The following RBFOX1 variants were observed in gnomAD, a reference collection of about 807,000 sequenced individuals.
RBFOX1 encodes the protein RNA binding protein fox-1 homolog 1.
A neutral mutation model predicts 57.7 loss-of-function variants in RBFOX1; 8 were observed. The observed-to-expected ratio is 0.14, with a 90% CI of 0.08 to 0.25. The LOEUF (loss-of-function observed/expected upper bound fraction) is 0.25, where lower values mean the gene tolerates loss of function less well. Ranked by LOEUF, RBFOX1 falls within the 10% of genes least tolerant of loss-of-function variation. The pLI is 1.00. For missense variants in RBFOX1, 611 were observed against 548.5 expected, an observed-to-expected ratio of 1.11 and a Z score of -1.14; for synonymous variants, 326 against 222.4, an observed-to-expected ratio of 1.47 and a Z score of -4.15.
At chr16:6,878,678 C>T (rs1409103725) in intron 3 of RBFOX1, among the ~76,000 whole-genome samples, 3 of 152,074 alleles carry the variant, frequency 2.0e-5, no homozygotes, top group South Asian at 2.1e-4. Flanking sequence ...AAAGGTAACT[C>T]AACAGCAAGA....
At chr16:6,567,287 G>A (rs1043262511) in intron 2 of RBFOX1, among the ~76,000 whole-genome samples, 3 of 152,136 alleles carry the variant, frequency 2.0e-5, no homozygotes, top group Non-Finnish European at 2.9e-5. Context: ...TATCCTGTGA[G>A]GCAAATTATT....
chr16:6,826,395 T>TA (rs2092142685), intron 3 of RBFOX1, among the ~76,000 whole-genome samples: 1 of 152,188 alleles, frequency 6.6e-6, no homozygotes, highest in Admixed American at 6.5e-5. Flanking sequence ...TGGTACATAG[T>TA]AAATACTCCA....
At chr16:7,330,891 C>T (rs1184078699) in intron 4 of RBFOX1, among the ~76,000 whole-genome samples, 2 of 152,106 alleles carry the variant, frequency 1.3e-5, no homozygotes. Flanking sequence ...CTTCTGTCCT[C>T]CCCGGTAACT....
At chr16:6,915,512 A>G (rs1245512044) in intron 3 of RBFOX1, among the ~76,000 whole-genome samples, 1 of 151,432 alleles carries the variant, frequency 6.6e-6, no homozygotes, top group Non-Finnish European at 1.5e-5. Flanking sequence ...AAATCTAAAC[A>G]ATAACTATTT....
chr16:5,347,713 C>A (rs974622785), intron 1 of RBFOX1, among the ~76,000 whole-genome samples: 1 of 149,412 alleles, frequency 6.7e-6, no homozygotes, highest in African/African-American at 2.5e-5. Flanking sequence ...CCCACCCATC[C>A]ATCCATTCAT....
chr16:6,546,015 G>C (rs1212435924), intron 2 of RBFOX1, among the ~76,000 whole-genome samples: 1 of 152,106 alleles, frequency 6.6e-6, no homozygotes, highest in Non-Finnish European at 1.5e-5. Context: ...ATTGTCTTGG[G>C]CTCTAAATAA....
Position 6,780,420 on chromosome 16 carries a change from T to TTA in RBFOX1, c.-16+125778_-16+125779dup, listed in dbSNP as rs1236604181. On this transcript the variant is annotated intron_variant, in intron 3 of 15. Coordinates refer to ENST00000550418, the MANE Select transcript of RBFOX1 (RefSeq NM_018723.4). The stretch of plus-strand genomic sequence containing the variant: ...TATTTTTATATATATTTATATATAT[T>TTA]TATATATATTTATAGATATATTTAT... Among the ~76,000 whole-genome samples, 876 of 109,696 alleles carry TTA rather than the reference T, an allele frequency of 8.0e-3. 43 individuals are homozygous for TTA. The highest frequency in any genetic ancestry group is 0.02 in the African/African-American group (537 of 27,340). The allele number at this position is 109,696 out of a possible 152,430, so 72.0% of individuals were successfully genotyped here. A position where few individuals can be genotyped will look rare whatever the true frequency, so the allele number is the denominator to read the frequency against.
intron 3 of RBFOX1, among the ~76,000 whole-genome samples, chr16:7,005,953 C>G (rs1025310724): frequency 1.3e-5 from 2 of 152,162 alleles, no homozygotes; most frequent in African/African-American, 4.8e-5. Context: ...AGCCCCAATT[C>G]TTTAACCCCT....
At chr16:7,359,798 C>T (rs1251020197) in intron 4 of RBFOX1, among the ~76,000 whole-genome samples, 3 of 152,152 alleles carry the variant, frequency 2.0e-5, no homozygotes, top group Non-Finnish European at 4.4e-5. Context: ...TCCTGGCTAA[C>T]ATGGTGAAAC....
intron 3 of RBFOX1, among the ~76,000 whole-genome samples, chr16:6,920,996 C>A (rs1181983855): frequency 6.6e-6 from 1 of 152,100 alleles, no homozygotes; most frequent in Admixed American, 6.6e-5. Context: ...ATAAGTTTGC[C>A]CTTGTTTGAC....
At chr16:6,851,950 A>G (rs550089667) in intron 3 of RBFOX1, among the ~76,000 whole-genome samples, 25 of 135,670 alleles carry the variant, frequency 1.8e-4, no homozygotes, top group African/African-American at 6.7e-4. Flanking sequence ...TCTTTTTTTG[A>G]GATGGAGGTT....
At chr16:5,902,740 G>C (rs1361491956) in intron 4 of RBFOX1, among the ~76,000 whole-genome samples, 2 of 152,062 alleles carry the variant, frequency 1.3e-5, no homozygotes, top group African/African-American at 2.4e-5. Flanking sequence ...AGGACAAGAA[G>C]CCTTCATCAA....
intron 1 of RBFOX1, among the ~76,000 whole-genome samples, chr16:5,263,615 G>A (rs994483438): frequency 3.9e-5 from 6 of 152,096 alleles, no homozygotes; most frequent in Non-Finnish European, 8.8e-5. Context: ...TCTCAAATGA[G>A]GTGCAAGTGG....
rs1741376572 is a variant in RBFOX1 at position 7,711,709 on chromosome 16, AACAGT to A, written c.*965_*969del. ...TGCAGTGGAGTTGTTAAGTTCTAGA[AACAGT>A]CTATGAAGCTTTAGTTTTAGCCTAG... is the stretch of plus-strand genomic sequence containing the variant. On this transcript the variant is annotated 3_prime_UTR_variant, in exon 16 of 16. Transcript: ENST00000550418. The A allele has an allele frequency of 6.6e-6, 1 of 152,656 alleles. No homozygotes were observed. The highest frequency in any genetic ancestry group is 1.5e-5 in the Non-Finnish European group (1 of 68,034). 9.5% of individuals were successfully genotyped at this position (152,656 alleles called of 1,614,324 possible). A position where few individuals can be genotyped will look rare whatever the true frequency, so the allele number is the denominator to read the frequency against.
chr16:6,152,943 C>T (rs1224571230), intron 1 of RBFOX1, among the ~76,000 whole-genome samples: 1 of 151,954 alleles, frequency 6.6e-6, no homozygotes, highest in Non-Finnish European at 1.5e-5. Context: ...CTCAGTGCCA[C>T]CCATGTTGCA....
At chr16:6,693,684 A>T (rs1568243387) in intron 3 of RBFOX1, among the ~76,000 whole-genome samples, 1 of 150,890 alleles carries the variant, frequency 6.6e-6, no homozygotes, top group Non-Finnish European at 1.5e-5. Flanking sequence ...TACCATCACC[A>T]CCATCATCAT....
intron 3 of RBFOX1, among the ~76,000 whole-genome samples, chr16:5,668,794 C>T (rs918626584): frequency 1.3e-5 from 2 of 152,124 alleles, no homozygotes; most frequent in Non-Finnish European, 2.9e-5. Context: ...ACCATTATCT[C>T]GGAAATGCTC....
intron 1 of RBFOX1, among the ~76,000 whole-genome samples, chr16:6,194,052 G>C (rs2097164355): frequency 6.6e-6 from 1 of 152,080 alleles, no homozygotes; most frequent in Non-Finnish European, 1.5e-5. Flanking sequence ...ACTGCCTCTT[G>C]GATGTGTCTT....
chr16:7,081,737 A>T (rs977538402), intron 4 of RBFOX1, among the ~76,000 whole-genome samples: 3 of 152,202 alleles, frequency 2.0e-5, no homozygotes, highest in Admixed American at 1.3e-4. Flanking sequence ...GTAATTTTTT[A>T]AAATTATACT....
Sources: gnomAD v4.1 joint callset for allele counts (sites outside exome capture counted in the v4.1 genomes callset) on GRCh38, gnomAD v4.1.1 for gene constraint, MANE v1.5 for transcripts, NCBI Gene and HGNC (gene_info 2026-07-23, HGNC 2026-07-21) for gene names.